Variants in LEPR observed in about 807,000 individuals in gnomAD.
The protein encoded by LEPR is leptin receptor.
LEPR carries 56 observed loss-of-function variants against 114.7 expected under a neutral mutation model. The ratio of observed to expected loss-of-function variants is 0.49; its 90% CI spans 0.39 to 0.61. The LOEUF (loss-of-function observed/expected upper bound fraction) is 0.61, where lower values mean the gene tolerates loss of function less well. LEPR is among the 20% of genes least tolerant of loss of function. The pLI is 0.00. For missense variants in LEPR, 1,202 were observed against 1,352.9 expected, an observed-to-expected ratio of 0.89 and a Z score of 1.75; for synonymous variants, 443 against 461.4, an observed-to-expected ratio of 0.96 and a Z score of 0.51.
intron 2 of LEPR, among the ~76,000 whole-genome samples, chr1:65,512,164 A>G (rs1649067234): frequency 6.6e-6 from 1 of 152,132 alleles, no homozygotes; most frequent in Non-Finnish European, 1.5e-5. Context: ...GCAAAGACCC[A>G]TGAGAGATTT....
intron 2 of LEPR, among the ~76,000 whole-genome samples, chr1:65,461,446 G>C (rs1011488372): frequency 1.3e-5 from 2 of 150,692 alleles, no homozygotes; most frequent in African/African-American, 5.0e-5. Flanking sequence ...ATGTTAAAAG[G>C]AACTGTAGCC....
At chr1:65,596,355 A>G (rs1396731714) in intron 6 of LEPR, 93 bp from the exon 7 acceptor site, 1 of 1,496,746 alleles carries the variant, frequency 6.7e-7, no homozygotes, top group African/African-American at 1.4e-5. Flanking sequence ...GAAAGGCAAG[A>G]TATGATGAAA....
chr1:65,524,983 CA>C (rs962618645), intron 2 of LEPR, among the ~76,000 whole-genome samples: 3 of 151,910 alleles, frequency 2.0e-5, no homozygotes, highest in Admixed American at 6.6e-5. Context: ...AGAGTACTTT[CA>C]AAAAAAATTT....
intron 2 of LEPR, among the ~76,000 whole-genome samples, chr1:65,488,160 C>CTTCCTTTA: frequency 5.8e-5 from 1 of 17,280 alleles, no homozygotes; most frequent in African/African-American, 2.5e-4. Context: ...TCCTTCCTTC[C>CTTCCTTTA]TTTCTTTCTT....
intron 2 of LEPR, among the ~76,000 whole-genome samples, chr1:65,436,372 C>A (rs887104565): frequency 1.3e-5 from 2 of 152,222 alleles, no homozygotes; most frequent in Admixed American, 1.3e-4. Flanking sequence ...AGAAAGTAGT[C>A]TTTAAGGAAT....
rs199543323 is a variant in LEPR, at chr1:65,604,280, A to T, written c.1404-758A>T. ...GGAAAAATTAAAAAATGCCTTTCTA[A>T]TAAGAATGTCTTTTTTTAGATGGAG... On this transcript the variant is annotated intron_variant, in intron 10 of 19. Transcript: ENST00000349533. 1.4e-4 allele frequency among the ~76,000 whole-genome samples: 22 copies of T among 152,246 alleles called. No individual in the cohort carries two copies. In the East Asian group the frequency reaches 3.7e-3, roughly 25 times the overall value.
intron 2 of LEPR, among the ~76,000 whole-genome samples, chr1:65,550,162 C>T (rs986530172): frequency 1.5e-4 from 23 of 152,164 alleles, no homozygotes; most frequent in Non-Finnish European, 3.1e-4. Flanking sequence ...CTGTCTGATC[C>T]TTCCTCTGGA....
intron 2 of LEPR, among the ~76,000 whole-genome samples, chr1:65,555,296 T>G (rs1652738168): frequency 6.6e-6 from 1 of 152,226 alleles, no homozygotes. Flanking sequence ...ATGTGCTATT[T>G]GTATAGAAAT....
Position 65,610,068 on chromosome 1 carries a change from G to A in LEPR, c.1874G>A (p.Trp625Ter). The change falls in exon 13 of 20, where the codon TGG becomes TAG. Residue 625 changes from tryptophan to a stop codon, truncating the protein, a stop_gained. Coordinates refer to ENST00000349533, the MANE Select transcript of LEPR (RefSeq NM_002303.6). LOFTEE classifies it high-confidence loss of function. ...GATGGACTGGGATATTGGAGTAATT[G>A]GAGCAATCCAGCCTACACAGTTGTC... ...RLDGLGYWSN[W>*]SNPAYTVVMD... 1 of 1,614,182 alleles carries A rather than the reference G, an allele frequency of 6.2e-7. No homozygotes were observed. Among genetic ancestry groups the A allele is most frequent in the Non-Finnish European group, 8.5e-7 (1 of 1,180,018 alleles).
At chr1:65,536,594 A>T (rs1361956887) in intron 2 of LEPR, among the ~76,000 whole-genome samples, 1 of 152,154 alleles carries the variant, frequency 6.6e-6, no homozygotes, top group Non-Finnish European at 1.5e-5. Flanking sequence ...ACTAAGAATT[A>T]TATATATAAA....
intron 2 of LEPR, chr1:65,433,150 C>A (rs1334951927): frequency 2.0e-6 from 2 of 985,344 alleles, no homozygotes; most frequent in Non-Finnish European, 2.4e-6. Context: ...GCACTTCTCC[C>A]CAGCTCCTTC....
chr1:65,611,376 AG>A (rs1216733154), intron 14 of LEPR, among the ~76,000 whole-genome samples: 3 of 152,176 alleles, frequency 2.0e-5, no homozygotes, highest in Non-Finnish European at 2.9e-5. Context: ...CCACCGCGGA[AG>A]GGGGCACTGC....
At chr1:65,464,766 G>A (rs1307526935) in intron 2 of LEPR, among the ~76,000 whole-genome samples, 1 of 152,184 alleles carries the variant, frequency 6.6e-6, no homozygotes, top group Admixed American at 6.5e-5. Context: ...GAGGGTGTAT[G>A]TGTCCAGGAA....
intron 2 of LEPR, among the ~76,000 whole-genome samples, chr1:65,506,470 G>A (rs1033066787): frequency 1.3e-4 from 20 of 152,332 alleles, no homozygotes; most frequent in African/African-American, 4.6e-4. Context: ...GAAAGTTTTA[G>A]CAAGAAGTTG....
intron 2 of LEPR, among the ~76,000 whole-genome samples, chr1:65,518,393 C>T (rs1649394882): frequency 6.6e-6 from 1 of 152,096 alleles, no homozygotes; most frequent in Admixed American, 6.5e-5. Context: ...CATGAGTCAC[C>T]TGTTTAATCT....
At chr1:65,591,993 A>G (rs1006629167) in intron 5 of LEPR, among the ~76,000 whole-genome samples, 11 of 151,746 alleles carry the variant, frequency 7.2e-5, no homozygotes, top group Admixed American at 2.0e-4. Flanking sequence ...TTGCTTTAGC[A>G]TTTATAATAT....
intron 19 of LEPR, among the ~76,000 whole-genome samples, chr1:65,628,279 A>G (rs1330919246): frequency 6.6e-6 from 1 of 152,116 alleles, no homozygotes; most frequent in Non-Finnish European, 1.5e-5. Flanking sequence ...AAAGATGAAA[A>G]TATAGGACAA....
At chr1:65,632,178 C>A (rs1225615191) in intron 19 of LEPR, among the ~76,000 whole-genome samples, 1 of 152,166 alleles carries the variant, frequency 6.6e-6, no homozygotes, top group East Asian at 1.9e-4. Context: ...AGAACACCAT[C>A]CTCACAGATC....
intron 5 of LEPR, among the ~76,000 whole-genome samples, chr1:65,579,042 C>T (rs1312563212): frequency 1.3e-5 from 2 of 152,126 alleles, no homozygotes; most frequent in African/African-American, 4.8e-5. Context: ...ACCTACAAGC[C>T]CCTGCATCTT....
Sources: allele counts gnomAD v4.1 joint callset (sites outside exome capture counted in the v4.1 genomes callset), GRCh38; gene constraint gnomAD v4.1.1; transcripts MANE v1.5; gene names NCBI Gene and HGNC (gene_info 2026-07-23, HGNC 2026-07-21).